The following SRSF11 variants were observed in gnomAD, a reference collection of about 807,000 sequenced individuals.
The protein encoded by SRSF11 is serine and arginine rich splicing factor 11, also known as serine/arginine-rich splicing factor 11.
In SRSF11, 9 loss-of-function variants were observed where a neutral mutation model predicts 56.0. The ratio of observed to expected loss-of-function variants is 0.16; its 90% CI spans 0.10 to 0.28. The LOEUF is 0.28. SRSF11 is among the 10% of genes least tolerant of loss of function. The pLI is 1.00. For synonymous variants in SRSF11, 222 were observed against 215.3 expected (o/e 1.03, Z -0.27); for missense variants, 421 against 600.7 (o/e 0.70, Z 3.13).
intron 2 of SRSF11, chr1:70,229,363 C>T (rs1672445289): frequency 8.5e-7 from 1 of 1,182,340 alleles, no homozygotes; most frequent in East Asian, 6.6e-5. Context: ...CATTTTCTCT[C>T]TTTTTACATT....
At chr1:70,235,640 C>T in intron 5 of SRSF11, 90 bp downstream of exon 5, 1 of 1,276,260 alleles carries the variant, frequency 7.8e-7, no homozygotes, top group Non-Finnish European at 1.1e-6. Flanking sequence ...AGAAAGTTAT[C>T]AAGTTATCTT....
At chr1:70,230,836 A>C (rs1672721334) in intron 2 of SRSF11, 1 of 1,169,622 alleles carries the variant, frequency 8.5e-7, no homozygotes, top group Non-Finnish European at 1.1e-6. Flanking sequence ...CTTGAGACAT[A>C]ATTTTGCATG....
Position 70,244,682 on chromosome 1 carries a change from AGGCGGTCAAGAAGCAGATCGAGAC to A in SRSF11, c.808_831del (p.Arg270_Ser277del). The stretch of plus-strand genomic sequence containing the variant: ...TGTATTGGCTTCCTTTTACACTATT[AGGCGGTCAAGAAGCAGATCGAGAC>A]GGCGGTCACATTCTAAGTCTAGGAG... On this transcript the variant is annotated splice_acceptor_variant and coding_sequence_variant, in exon 8 of 12. Transcript: ENST00000370949. LOFTEE classifies it high-confidence loss of function. 6.2e-7 allele frequency: 1 copy of A among 1,613,942 alleles called. No homozygotes were observed.
At chr1:70,237,020 C>A (rs1462982205) in intron 5 of SRSF11, among the ~76,000 whole-genome samples, 1 of 151,944 alleles carries the variant, frequency 6.6e-6, no homozygotes, top group African/African-American at 2.4e-5. Flanking sequence ...ATCTCCTGAC[C>A]TCGTGATCCA....
chr1:70,246,740 T>G (rs561196627), intron 8 of SRSF11, 78 bp from the exon 9 acceptor site: 1 of 810,604 alleles, frequency 1.2e-6, no homozygotes, highest in East Asian at 2.6e-5. Flanking sequence ...TCTGATTATA[T>G]TTTTGTGTTT....
intron 5 of SRSF11, among the ~76,000 whole-genome samples, chr1:70,235,983 C>T (rs1178924084): frequency 6.6e-6 from 1 of 152,154 alleles, no homozygotes; most frequent in Non-Finnish European, 1.5e-5. Flanking sequence ...GAAATTGTTT[C>T]CGACTTGATG....
chr1:70,250,373 A>G lies in SRSF11; in HGVS notation c.1127A>G (p.Lys376Arg). The G allele has an allele frequency of 2.5e-6, 4 of 1,609,422 alleles. No individual in the cohort carries two copies. The highest frequency in any genetic ancestry group is 3.4e-6 in the Non-Finnish European group (4 of 1,177,380). The change falls in exon 11 of 12, where the codon AAG (lysine) becomes AGG (arginine). Residue 376 changes from lysine to arginine, a missense_variant. Around this residue, in one of 2 missense-constraint regions of SRSF11, gnomAD observed 253 missense variants for 305.8 expected, o/e 0.83. Coordinates refer to ENST00000370949, the MANE Select transcript of SRSF11 (RefSeq NM_001350605.2). ...TTTTACTGTCATTCTAGACATAAAA[A>G]GGAGAAGAAGAAAGATAAAGACAAA... is the stretch of plus-strand genomic sequence containing the variant. ...SRSPSPRRHK[K>R]EKKKDKDKER...
intron 2 of SRSF11, chr1:70,228,956 G>T (rs1672377414): frequency 1.0e-6 from 1 of 983,552 alleles, no homozygotes; most frequent in Admixed American, 6.2e-5. Flanking sequence ...AAATGAGTAG[G>T]TTGATTTTAT....
Position 70,251,085 on chromosome 1 carries a change from T to C in SRSF11, c.*280T>C, listed in dbSNP as rs1443970109. ...TAACAAAAATGAAAAGCTGCATGCA[T>C]CTACAGCAGGCATGGATTGTTTATG... On this transcript the variant is annotated 3_prime_UTR_variant, in exon 12 of 12. Coordinates refer to ENST00000370949, the MANE Select transcript of SRSF11 (RefSeq NM_001350605.2). 2.8e-6 allele frequency: 1 copy of C among 351,042 alleles called. No individual in the cohort carries two copies. The highest frequency in any genetic ancestry group is 2.1e-5 in the African/African-American group (1 of 48,758). 21.7% of individuals were successfully genotyped at this position (351,042 alleles called of 1,614,324 possible). A position where few individuals can be genotyped will look rare whatever the true frequency, so the allele number is the denominator to read the frequency against.
In SRSF11 at chr1:70,221,501, G is replaced by T; in HGVS notation, c.-136G>T. On this transcript the variant is annotated 5_prime_UTR_variant, in exon 1 of 12. Transcript: ENST00000370949. ...CGGAGAAACGGCGGCGGCGGCGGCGGCATCGGCAGCAGTAGCAGAGGCTGT... is the reference window on the plus strand; with the variant it reads ...CGGAGAAACGGCGGCGGCGGCGGCGTCATCGGCAGCAGTAGCAGAGGCTGT... 8.0e-7 allele frequency: 1 copy of T among 1,245,914 alleles called. No individual in the cohort carries two copies. Among genetic ancestry groups the T allele is most frequent in the Non-Finnish European group, 1.1e-6 (1 of 913,132 alleles). 77.2% of individuals were successfully genotyped at this position (1,245,914 alleles called of 1,614,324 possible). A position where few individuals can be genotyped will look rare whatever the true frequency, so the allele number is the denominator to read the frequency against.
At chr1:70,230,252 TATTTC>T (rs1672590389) in intron 2 of SRSF11, 1 of 1,000,422 alleles carries the variant, frequency 1.0e-6, no homozygotes, top group African/African-American at 1.7e-5. Context: ...ATTAGGGGAA[TATTTC>T]ATTCAGAATT....
intron 2 of SRSF11, chr1:70,229,819 G>A: frequency 7.1e-6 from 7 of 983,770 alleles, no homozygotes; most frequent in Non-Finnish European, 8.4e-6. Context: ...AATGGGTTAA[G>A]ACATGTTATG....
At chr1:70,209,047 A>T (rs141145596) in intron 1 of SRSF11, among the ~76,000 whole-genome samples, 1 of 152,352 alleles carries the variant, frequency 6.6e-6, no homozygotes, top group East Asian at 1.9e-4. Flanking sequence ...TTAAGTGATG[A>T]AAGGCTTCCC....
chr1:70,208,508 GTATTTTTTTA>G, intron 1 of SRSF11, among the ~76,000 whole-genome samples: 1 of 152,088 alleles, frequency 6.6e-6, no homozygotes, highest in African/African-American at 2.4e-5. Context: ...TAATTTTTTT[GTATTTTTTTA>G]GCAGAGGCAG....
chr1:70,221,928 TC>T, intron 1 of SRSF11, 89 bp downstream of exon 1: 1 of 1,540,176 alleles, frequency 6.5e-7, no homozygotes, highest in Non-Finnish European at 8.7e-7. Flanking sequence ...TGTCGCTGCT[TC>T]CCCGGGCCAG....
chr1:70,243,851 C>T (rs1676115139), intron 7 of SRSF11, among the ~76,000 whole-genome samples: 1 of 152,078 alleles, frequency 6.6e-6, no homozygotes, highest in Non-Finnish European at 1.5e-5. Context: ...GAGTTCAAGA[C>T]CATCCTGGGC....
chr1:70,230,789 A>G, intron 2 of SRSF11: 1 of 1,175,138 alleles, frequency 8.5e-7, no homozygotes, highest in Non-Finnish European at 1.1e-6. Context: ...TTGCAAATGC[A>G]CTAATTTGAG....
intron 1 of SRSF11, among the ~76,000 whole-genome samples, chr1:70,213,255 TAGA>T (rs937312993): frequency 1.3e-5 from 2 of 152,182 alleles, no homozygotes; most frequent in Admixed American, 6.5e-5. Flanking sequence ...TGTGGCTAAT[TAGA>T]AGAAGTATTT....
At chr1:70,249,847 A>C in intron 9 of SRSF11, 105 bp from the exon 10 acceptor site, 2 of 1,244,588 alleles carry the variant, frequency 1.6e-6, no homozygotes, top group Non-Finnish European at 2.3e-6. Context: ...GGCATGAGCC[A>C]CTACATCTGG....
Sources: gnomAD v4.1 joint callset for allele counts (sites outside exome capture counted in the v4.1 genomes callset) on GRCh38, gnomAD v4.1.1 for gene constraint, gnomAD v4.1.1 regional missense constraint, MANE v1.5 for transcripts, NCBI Gene and HGNC (gene_info 2026-07-23, HGNC 2026-07-21) for gene names.